The following CSGALNACT1 variants were observed in gnomAD, a reference collection of about 807,000 sequenced individuals.
The protein encoded by CSGALNACT1 is chondroitin sulfate N-acetylgalactosaminyltransferase 1.
A neutral mutation model predicts 51.0 loss-of-function variants in CSGALNACT1; 52 were observed. The observed-to-expected ratio is 1.02, with a 90% CI of 0.82 to 1.29. The LOEUF is 1.29. Ranked by LOEUF, CSGALNACT1 falls within the 50% of genes most tolerant of loss-of-function variation. The pLI is 0.00. For missense variants in CSGALNACT1, 935 were observed against 679.2 expected, an observed-to-expected ratio of 1.38 and a Z score of -4.19; for synonymous variants, 341 against 254.4, an observed-to-expected ratio of 1.34 and a Z score of -3.24.
intron 6 of CSGALNACT1, among the ~76,000 whole-genome samples, chr8:19,433,979 C>G (rs1015469870): frequency 1.3e-5 from 2 of 152,090 alleles, no homozygotes; most frequent in African/African-American, 4.8e-5. Flanking sequence ...TGTTGAATTT[C>G]CAGCTTACCA....
chr8:19,513,120 G>C (rs1481848401), intron 3 of CSGALNACT1, among the ~76,000 whole-genome samples: 3 of 151,996 alleles, frequency 2.0e-5, no homozygotes, highest in Non-Finnish European at 1.5e-5. Flanking sequence ...TGTTCCAAAA[G>C]TATCTCAAAT....
intron 3 of CSGALNACT1, among the ~76,000 whole-genome samples, chr8:19,576,157 G>A (rs2044158971): frequency 6.6e-6 from 1 of 152,052 alleles, no homozygotes; most frequent in Non-Finnish European, 1.5e-5. Flanking sequence ...TCCCTCAGTA[G>A]TGAGCAGTCA....
At chr8:19,755,485 A>G (rs2065310978) in intron 1 of CSGALNACT1, among the ~76,000 whole-genome samples, 2 of 148,998 alleles carry the variant, frequency 1.3e-5, no homozygotes, top group Non-Finnish European at 3.0e-5. Context: ...AAAAAAAGAC[A>G]ACATTTATGA....
chr8:19,508,595 T>A (rs1384738735), intron 3 of CSGALNACT1, among the ~76,000 whole-genome samples: 1 of 152,070 alleles, frequency 6.6e-6, no homozygotes, highest in Admixed American at 6.5e-5. Flanking sequence ...AAACTCATTA[T>A]ATCCAAGAAT....
At chr8:19,481,689 C>T (rs538786194) in intron 4 of CSGALNACT1, among the ~76,000 whole-genome samples, 117 of 152,228 alleles carry the variant, frequency 7.7e-4, no homozygotes, top group Middle Eastern at 3.4e-3. Flanking sequence ...ATCCTCAATG[C>T]CTCCCTCTCT....
chr8:19,530,244 A>C (rs1489309392), intron 3 of CSGALNACT1, among the ~76,000 whole-genome samples: 1 of 151,392 alleles, frequency 6.6e-6, no homozygotes, highest in Non-Finnish European at 1.5e-5. Context: ...AAACAAAACA[A>C]AACAAAACAA....
At chr8:19,756,228 A>C (rs1492634) in intron 1 of CSGALNACT1, among the ~76,000 whole-genome samples, 61,742 of 151,122 alleles carry the variant, frequency 0.41, 12,887 homozygotes, top group Middle Eastern at 0.49. Context: ...TTCCAGTTTA[A>C]AAAAAAAAAC....
chr8:19,650,890 T>C (rs2057745172), intron 1 of CSGALNACT1, among the ~76,000 whole-genome samples: 1 of 151,862 alleles, frequency 6.6e-6, no homozygotes. Flanking sequence ...GAGTCACGAG[T>C]TGCTCCCGTG....
intron 1 of CSGALNACT1, among the ~76,000 whole-genome samples, chr8:19,751,049 G>A (rs2064996531): frequency 6.6e-6 from 1 of 152,098 alleles, no homozygotes; most frequent in African/African-American, 2.4e-5. Flanking sequence ...GCTCCATCAT[G>A]CCCAGAAATG....
intron 5 of CSGALNACT1, among the ~76,000 whole-genome samples, chr8:19,444,313 GA>G (rs1418876237): frequency 4.6e-5 from 7 of 152,018 alleles, no homozygotes; most frequent in Non-Finnish European, 8.8e-5. Flanking sequence ...TAATGACAAG[GA>G]AAAAAAAGTT....
intron 1 of CSGALNACT1, among the ~76,000 whole-genome samples, chr8:19,671,357 A>T (rs538182687): frequency 6.6e-6 from 1 of 152,364 alleles, no homozygotes; most frequent in East Asian, 1.9e-4. Flanking sequence ...GGTGTACACG[A>T]CAAATTCACA....
At chr8:19,573,902 A>G (rs2043582774) in intron 3 of CSGALNACT1, among the ~76,000 whole-genome samples, 1 of 152,178 alleles carries the variant, frequency 6.6e-6, no homozygotes, top group Non-Finnish European at 1.5e-5. Flanking sequence ...TAAGCTGGCA[A>G]TCCATTCTTT....
At chr8:19,642,522 G>C (rs1435266043) in intron 1 of CSGALNACT1, among the ~76,000 whole-genome samples, 1 of 152,088 alleles carries the variant, frequency 6.6e-6, no homozygotes, top group East Asian at 1.9e-4. Flanking sequence ...TGTAATCCCA[G>C]GACTTTGGGA....
chr8:19,649,842 A>AAAAAAAAAAC, intron 1 of CSGALNACT1, among the ~76,000 whole-genome samples: 1 of 149,050 alleles, frequency 6.7e-6, no homozygotes, highest in East Asian at 1.9e-4. Context: ...AAAAAAAAAA[A>AAAAAAAAAAC]AAACCACGGG....
chr8:19,735,958 T>C (rs2154247789), intron 1 of CSGALNACT1, among the ~76,000 whole-genome samples: 1 of 152,328 alleles, frequency 6.6e-6, no homozygotes, highest in South Asian at 2.1e-4. Flanking sequence ...TCAATGTGTT[T>C]TATCAATTTT....
chr8:19,500,453 C>A (rs2076225325), intron 4 of CSGALNACT1, among the ~76,000 whole-genome samples: 1 of 152,140 alleles, frequency 6.6e-6, no homozygotes, highest in South Asian at 2.1e-4. Context: ...CACCACAAGT[C>A]ACAAAGTTGC....
At chr8:19,409,301 A>G (rs1194537602) in intron 8 of CSGALNACT1, among the ~76,000 whole-genome samples, 1 of 152,200 alleles carries the variant, frequency 6.6e-6, no homozygotes, top group African/African-American at 2.4e-5. Flanking sequence ...CCAGCTTCTG[A>G]AGAAAGACTC....
At chr8:19,756,636 T>A (rs6995621) in intron 1 of CSGALNACT1, among the ~76,000 whole-genome samples, 1 of 149,690 alleles carries the variant, frequency 6.7e-6, no homozygotes, top group African/African-American at 2.5e-5. Context: ...GCACGTCCCC[T>A]GGGCATGTTC....
chr8:19,455,384 G>A (rs1330021911), intron 5 of CSGALNACT1, among the ~76,000 whole-genome samples: 1 of 152,190 alleles, frequency 6.6e-6, no homozygotes, highest in African/African-American at 2.4e-5. Flanking sequence ...CCAGTCTGGG[G>A]ATGGAAAGGA....
Sources: allele counts gnomAD v4.1 joint callset (sites outside exome capture counted in the v4.1 genomes callset), GRCh38; gene constraint gnomAD v4.1.1; transcripts MANE v1.5; gene names NCBI Gene and HGNC (gene_info 2026-07-23, HGNC 2026-07-21).